PINX1: variants seen among roughly 807,000 people sequenced by gnomAD.
The protein encoded by PINX1 is PIN2 (TERF1) interacting telomerase inhibitor 1.
Under a neutral mutation model 25.4 loss-of-function variants are expected in PINX1, and 34 were observed. The ratio of observed to expected loss-of-function variants is 1.34; its 90% CI spans 1.02 to 1.78. The LOEUF (loss-of-function observed/expected upper bound fraction) is 1.78, where lower values mean the gene tolerates loss of function less well. Ranked by LOEUF, PINX1 falls within the 40% of genes most tolerant of loss-of-function variation. The probability of loss-of-function intolerance (pLI) is 0.00; values close to 1 mark genes in which losing one functional copy is unlikely to be tolerated. For synonymous variants in PINX1, 197 were observed against 147.7 expected, an observed-to-expected ratio of 1.33 and a Z score of -2.42; for missense variants, 592 against 404.9, an observed-to-expected ratio of 1.46 and a Z score of -3.97.
intron 6 of PINX1, among the ~76,000 whole-genome samples, chr8:10,782,684 C>T (rs533275871): frequency 1.3e-5 from 2 of 152,032 alleles, no homozygotes; most frequent in Admixed American, 6.5e-5. Flanking sequence ...TGCAGTGAGC[C>T]GAGATGGTGC....
Position 10,826,235 on chromosome 8 carries a change from TC to T in PINX1, c.310del (p.Asp104ThrfsTer24). ...GCTAAAAGATTTCTTTTCCTTCTTG[TC>T]CGAGGAATCTTTAAAAAAGATGAAA... ...CHGQETTDSS[D>X]KKEKKSFSLE... On this transcript the variant is annotated frameshift_variant, in exon 5 of 7. Transcript: ENST00000314787. LOFTEE classifies it high-confidence loss of function. 6.4e-7 allele frequency: 1 copy of T among 1,560,564 alleles called. No individual in the cohort carries two copies. The highest frequency in any genetic ancestry group is 8.8e-7 in the Non-Finnish European group (1 of 1,139,172).
intron 6 of PINX1, among the ~76,000 whole-genome samples, chr8:10,806,616 G>A (rs181332813): frequency 7.2e-5 from 11 of 152,284 alleles, no homozygotes; most frequent in African/African-American, 2.6e-4. Flanking sequence ...ACGATTTGCT[G>A]AATACCCTGA....
chr8:10,786,912 C>T lies in PINX1; in HGVS notation c.472-20996G>A, dbSNP rs115378489. Among the ~76,000 whole-genome samples the T allele has an allele frequency of 2.3e-3, 343 of 152,288 alleles. 2 individuals carry two copies. The highest frequency in any genetic ancestry group is 7.8e-3 in the African/African-American group (325 of 41,554). On this transcript the variant is annotated intron_variant, in intron 6 of 6. Transcript: ENST00000314787. ...TGTGGACCCCTAATGGGGAGCATGT[C>T]TATTCGACTGTCTTTGAACATTTTT...
intron 6 of PINX1, among the ~76,000 whole-genome samples, chr8:10,801,403 A>T (rs79813396): frequency 0.021 from 3,262 of 152,282 alleles, 132 homozygotes; most frequent in African/African-American, 0.074. Context: ...AATCCATACA[A>T]TTTCATCAAC....
rs896060089 is a variant in PINX1 at position 10,834,522 on chromosome 8, G to A, written c.129+144C>T. The stretch of plus-strand genomic sequence containing the variant: ...GTCCAATCCTAATTTATCATCATAA[G>A]GTCACAACAATTTTTGATTTGGGAT... On this transcript the variant is annotated intron_variant, in intron 2 of 6. Transcript: ENST00000314787. The A allele has an allele frequency of 3.3e-6, 4 of 1,202,762 alleles. No individual in the cohort carries two copies. In the African/African-American group the frequency reaches 6.2e-5, roughly 19 times the overall value. 74.5% of individuals were successfully genotyped at this position (1,202,762 alleles called of 1,614,324 possible).
rs567134374 is a variant in PINX1, at chr8:10,765,659, G to C, written c.729C>G (p.Ala243=). 1.2e-6 allele frequency: 2 copies of C among 1,613,978 alleles called. No individual in the cohort carries two copies. The highest frequency in any genetic ancestry group is 1.7e-6 in the Non-Finnish European group (2 of 1,179,882). ...KRHTEGKPER[A]EAQERVAKKK... Reference sequence around the variant, plus strand: ...TCTTGGCCACTCGCTCCTGGGCCTCGGCCCTCTCGGGCTTTCCCTCCGTGT... The same window carrying C: ...TCTTGGCCACTCGCTCCTGGGCCTCCGCCCTCTCGGGCTTTCCCTCCGTGT... Residue 243 remains alanine (A), a synonymous_variant, in exon 7 of 7, where the codon GCC becomes GCG. Transcript: ENST00000314787.
At chr8:10,805,091 A>C (rs985118331) in intron 6 of PINX1, among the ~76,000 whole-genome samples, 38 of 152,208 alleles carry the variant, frequency 2.5e-4, no homozygotes, top group African/African-American at 8.9e-4. Flanking sequence ...ATTATTACTA[A>C]GAAAGGCAAA....
At chr8:10,817,754 G>C (rs1797744997) in intron 6 of PINX1, among the ~76,000 whole-genome samples, 1 of 152,136 alleles carries the variant, frequency 6.6e-6, no homozygotes, top group Non-Finnish European at 1.5e-5. Context: ...GGAATCTGCA[G>C]TTTGACAGGG....
intron 6 of PINX1, among the ~76,000 whole-genome samples, chr8:10,780,896 A>T (rs1244887080): frequency 6.6e-6 from 1 of 152,224 alleles, no homozygotes; most frequent in South Asian, 2.1e-4. Flanking sequence ...GAATAACTGA[A>T]GTAATTCTGA....
At chr8:10,781,180 AACATAT>A (rs1452973171) in intron 6 of PINX1, among the ~76,000 whole-genome samples, 5 of 152,208 alleles carry the variant, frequency 3.3e-5, no homozygotes, top group African/African-American at 1.2e-4. Flanking sequence ...CTTATCTTAC[AACATAT>A]ACAAAAATCA....
At chr8:10,826,480 T>G (rs985570447) in intron 4 of PINX1, among the ~76,000 whole-genome samples, 3 of 152,246 alleles carry the variant, frequency 2.0e-5, no homozygotes, top group Admixed American at 1.3e-4. Context: ...CAGGCTGCCC[T>G]CCAGAAATTT....
chr8:10,826,364 T>C (rs1042764572), intron 4 of PINX1, 120 bp from the exon 5 acceptor site: 1 of 572,192 alleles, frequency 1.7e-6, no homozygotes, highest in Non-Finnish European at 3.0e-6. Context: ...ATTGAACTCT[T>C]TCATTCATTT....
chr8:10,795,227 G>A (rs1802049471), intron 6 of PINX1, among the ~76,000 whole-genome samples: 1 of 152,158 alleles, frequency 6.6e-6, no homozygotes, highest in South Asian at 2.1e-4. Flanking sequence ...TCAAACCTCT[G>A]CCTCTGCCAA....
At chr8:10,811,174 A>G (rs1292930308) in intron 6 of PINX1, among the ~76,000 whole-genome samples, 4 of 152,200 alleles carry the variant, frequency 2.6e-5, no homozygotes, top group African/African-American at 9.7e-5. Context: ...CCATTTACAA[A>G]TGAAGAAGCT....
At chr8:10,789,447 T>C (rs1234524431) in intron 6 of PINX1, among the ~76,000 whole-genome samples, 2 of 152,178 alleles carry the variant, frequency 1.3e-5, no homozygotes, top group East Asian at 3.9e-4. Context: ...ACACCTAAGA[T>C]CTAATCTATT....
intron 5 of PINX1, chr8:10,821,731 G>A (rs916101943): frequency 6.6e-6 from 1 of 152,204 alleles, no homozygotes; most frequent in Non-Finnish European, 1.5e-5. Context: ...TTGTACTTCA[G>A]AAAAGGCAGC....
chr8:10,835,246 C>G (rs1798367194), intron 1 of PINX1, among the ~76,000 whole-genome samples: 1 of 152,210 alleles, frequency 6.6e-6, no homozygotes, highest in Non-Finnish European at 1.5e-5. Flanking sequence ...GAGACCTGCT[C>G]CAAACGCTGT....
rs1797823203 is a variant in PINX1 at position 10,820,186 on chromosome 8, T to A, written c.471+7A>T. 6.3e-7 allele frequency: 1 copy of A among 1,587,490 alleles called. No individual in the cohort carries two copies. Among genetic ancestry groups the A allele is most frequent in the African/African-American group, 1.3e-5 (1 of 74,472 alleles). On this transcript the variant is annotated splice_region_variant and intron_variant, in intron 6 of 6. Coordinates refer to ENST00000314787, the MANE Select transcript of PINX1 (RefSeq NM_017884.6). ...GCGGAACACGGAAACTGTACGTGGC[T>A]TTATACCTCGGGAGTCTTCTTACTC...
At chr8:10,822,957 T>G (rs6982062) in intron 5 of PINX1, among the ~76,000 whole-genome samples, 8,119 of 152,282 alleles carry the variant, frequency 0.053, 249 homozygotes, top group South Asian at 0.08. Context: ...ACTTTTATTT[T>G]TATCTTTTTA....
Sources: gnomAD v4.1 joint callset for allele counts (sites outside exome capture counted in the v4.1 genomes callset) on GRCh38, gnomAD v4.1.1 for gene constraint, MANE v1.5 for transcripts, NCBI Gene and HGNC (gene_info 2026-07-23, HGNC 2026-07-21) for gene names.